The following ERICH1 variants were observed in gnomAD, a reference collection of about 807,000 sequenced individuals.
The protein encoded by ERICH1 is glutamate rich 1.
ERICH1 carries 56 observed loss-of-function variants against 39.6 expected under a neutral mutation model. The observed-to-expected ratio is 1.41, with a 90% CI of 1.14 to 1.77. ERICH1 has a LOEUF of 1.77. Among genes scored for constraint, ERICH1 ranks in the 40% most tolerant of loss-of-function variants. The pLI is 0.00. For missense variants in ERICH1, 826 were observed against 575.4 expected (o/e 1.44, Z -4.45); for synonymous variants, 313 against 223.6 (o/e 1.40, Z -3.57).
chr8:702,076 C>CAAAA (rs60476920), intron 2 of ERICH1, among the ~76,000 whole-genome samples: 5 of 88,134 alleles, frequency 5.7e-5, no homozygotes, highest in South Asian at 4.4e-4. Context: ...GACTACATCT[C>CAAAA]AAAAAAAAAA....
intron 1 of ERICH1, among the ~76,000 whole-genome samples, chr8:719,871 C>G (rs890229638): frequency 6.6e-6 from 1 of 152,216 alleles, no homozygotes; most frequent in Non-Finnish European, 1.5e-5. Context: ...GCACTGGCCA[C>G]AGGGTCCACC....
At chr8:694,226 G>C (rs1041131379) in intron 2 of ERICH1, among the ~76,000 whole-genome samples, 10 of 152,306 alleles carry the variant, frequency 6.6e-5, no homozygotes, top group African/African-American at 2.2e-4. Flanking sequence ...CGGAATCCTA[G>C]TTCTTAAACT....
At chr8:683,195 C>T (rs111472523) in intron 3 of ERICH1, among the ~76,000 whole-genome samples, 2,948 of 152,254 alleles carry the variant, frequency 0.019, 101 homozygotes, top group African/African-American at 0.066. Flanking sequence ...GATGGACAAG[C>T]GGTGGCTGTG....
At chr8:643,925 A>G (rs1799302859) in intron 3 of ERICH1, among the ~76,000 whole-genome samples, 1 of 152,214 alleles carries the variant, frequency 6.6e-6, no homozygotes, top group African/African-American at 2.4e-5. Flanking sequence ...AACACCCGGA[A>G]TCGTGCTCCC....
chr8:638,446 G>A (rs186588997), intron 3 of ERICH1, among the ~76,000 whole-genome samples: 1 of 152,198 alleles, frequency 6.6e-6, no homozygotes, highest in Non-Finnish European at 1.5e-5. Context: ...TGCCTGAAAG[G>A]AGGGCAGTTG....
intron 5 of ERICH1, among the ~76,000 whole-genome samples, chr8:665,113 T>A (rs1185476993): frequency 6.6e-6 from 1 of 152,194 alleles, no homozygotes; most frequent in Non-Finnish European, 1.5e-5. Context: ...GACCATGTGG[T>A]GCCTACGTCA....
chr8:698,661 G>C (rs1300480599), intron 2 of ERICH1, among the ~76,000 whole-genome samples: 1 of 151,964 alleles, frequency 6.6e-6, no homozygotes, highest in Admixed American at 6.6e-5. Context: ...TGTTGCACAG[G>C]TTAGAATGCA....
At chr8:667,955 CCCT>C (rs1205941864) in intron 5 of ERICH1, 1 of 154,398 alleles carries the variant, frequency 6.5e-6, no homozygotes, top group Non-Finnish European at 1.4e-5. Context: ...GTGCCACGGA[CCCT>C]CCTCCACTCC....
At chr8:712,395 G>A (rs1814946570) in intron 2 of ERICH1, among the ~76,000 whole-genome samples, 1 of 151,828 alleles carries the variant, frequency 6.6e-6, no homozygotes. Context: ...TTTTATTATG[G>A]GGGGGTGGTA....
intron 3 of ERICH1, among the ~76,000 whole-genome samples, chr8:643,239 G>T (rs1019590733): frequency 1.3e-5 from 2 of 152,188 alleles, no homozygotes; most frequent in African/African-American, 4.8e-5. Flanking sequence ...GGCATGAGAC[G>T]ATGACCTAGT....
At position 650,739 on chromosome 8, in the gene ERICH1, A is replaced by G. The variant is rs112842610; in HGVS notation, c.976+17859T>C. On this transcript the variant is annotated intron_variant, in intron 3 of 3. Transcript: ENST00000522706. The stretch of plus-strand genomic sequence containing the variant: ...CAGCCACCCCGCAGCACACGCTGAT[A>G]AAAGGGTCTCTTCTGTTGTGGGCTC... Among the ~76,000 whole-genome samples, 842 of 152,304 alleles carry G rather than the reference A, an allele frequency of 5.5e-3. 8 individuals are homozygous for G. Among genetic ancestry groups the G allele is most frequent in the South Asian group, 0.039 (186 of 4,824 alleles).
intron 3 of ERICH1, 75 bp downstream of exon 3, chr8:692,403 T>C (rs994601315): frequency 6.2e-7 from 1 of 1,605,752 alleles, no homozygotes; most frequent in African/African-American, 1.3e-5. Flanking sequence ...GATAAAGGTA[T>C]TACAATACCA....
At chr8:702,800 C>T (rs1326459224) in intron 2 of ERICH1, among the ~76,000 whole-genome samples, 2 of 152,210 alleles carry the variant, frequency 1.3e-5, no homozygotes, top group African/African-American at 4.8e-5. Flanking sequence ...GTGATGGACG[C>T]AGAGGGGCAG....
At chr8:621,537 A>G (rs770799328) in intron 3 of ERICH1, among the ~76,000 whole-genome samples, 11 of 151,752 alleles carry the variant, frequency 7.2e-5, no homozygotes, top group Non-Finnish European at 1.0e-4. Context: ...AATTAAAAAG[A>G]GAAAGGAGAT....
At chr8:616,389 A>C in intron 3 of ERICH1, 2 of 362,268 alleles carry the variant, frequency 5.5e-6, no homozygotes, top group Non-Finnish European at 5.5e-6. Context: ...GTCCAGAGAG[A>C]AACTCCTGCC....
At chr8:669,810 G>T (rs1466760081) in intron 4 of ERICH1, among the ~76,000 whole-genome samples, 4 of 152,252 alleles carry the variant, frequency 2.6e-5, no homozygotes, top group African/African-American at 9.6e-5. Context: ...TCTGGCTGCT[G>T]GTCTTGTTTC....
intron 3 of ERICH1, among the ~76,000 whole-genome samples, chr8:618,445 G>C (rs577259364): frequency 6.6e-6 from 1 of 152,218 alleles, no homozygotes; most frequent in South Asian, 2.1e-4. Flanking sequence ...TGCTTGGTCT[G>C]TCCTCACTGC....
intron 1 of ERICH1, among the ~76,000 whole-genome samples, chr8:730,718 C>T (rs774150155): frequency 2.0e-5 from 3 of 152,244 alleles, no homozygotes; most frequent in Non-Finnish European, 2.9e-5. Flanking sequence ...CACAGTGGCT[C>T]TGGGAGGTTC....
intron 1 of ERICH1, among the ~76,000 whole-genome samples, chr8:719,369 A>G (rs1002778283): frequency 6.6e-6 from 1 of 152,184 alleles, no homozygotes; most frequent in Non-Finnish European, 1.5e-5. Context: ...TTGGAACTGC[A>G]GTAACTTGGG....
Sources: allele counts gnomAD v4.1 joint callset (sites outside exome capture counted in the v4.1 genomes callset), GRCh38; gene constraint gnomAD v4.1.1; transcripts MANE v1.5; gene names NCBI Gene and HGNC (gene_info 2026-07-23, HGNC 2026-07-21).